The following CGGBP1 variants were observed in gnomAD, a reference collection of about 807,000 sequenced individuals.
CGGBP1 encodes CGG triplet repeat-binding protein 1.
A neutral mutation model predicts 11.4 loss-of-function variants in CGGBP1; 4 were observed. The observed-to-expected ratio is 0.35, with a 90% CI of 0.17 to 0.80. CGGBP1 has a LOEUF of 0.80. Ranked by LOEUF, CGGBP1 falls within the 30% of genes least tolerant of loss-of-function variation. The probability of loss-of-function intolerance (pLI) is 0.52; values close to 1 mark genes in which losing one functional copy is unlikely to be tolerated. For synonymous variants in CGGBP1, 76 were observed against 74.1 expected, an observed-to-expected ratio of 1.03 and a Z score of -0.13; for missense variants, 135 against 202.1, an observed-to-expected ratio of 0.67 and a Z score of 2.01.
intron 2 of CGGBP1, among the ~76,000 whole-genome samples, chr3:88,131,686 G>A (rs1218555130): frequency 6.6e-6 from 1 of 152,066 alleles, no homozygotes; most frequent in Non-Finnish European, 1.5e-5. Flanking sequence ...TAACCAAAAA[G>A]GAGTCTTTAG....
intron 2 of CGGBP1, among the ~76,000 whole-genome samples, chr3:88,112,008 A>C (rs1198395251): frequency 6.6e-6 from 1 of 151,948 alleles, no homozygotes; most frequent in Non-Finnish European, 1.5e-5. Context: ...TTTTTAACCT[A>C]ACTTCTAGAA....
At chr3:88,100,990 G>A (rs1453662792) in intron 2 of CGGBP1, among the ~76,000 whole-genome samples, 3 of 152,080 alleles carry the variant, frequency 2.0e-5, no homozygotes, top group Non-Finnish European at 2.9e-5. Flanking sequence ...CAATTTTCAA[G>A]TATACTTGAA....
intron 2 of CGGBP1, among the ~76,000 whole-genome samples, chr3:88,137,748 T>A (rs1327684610): frequency 2.0e-5 from 3 of 151,972 alleles, no homozygotes; most frequent in African/African-American, 7.3e-5. Flanking sequence ...AAAGTGAAAA[T>A]CGGATGTGCC....
At chr3:88,061,711 CAG>C (rs1392057761), upstream of CGGBP1, among the ~76,000 whole-genome samples, 1 of 152,106 alleles carries the variant, frequency 6.6e-6, no homozygotes, top group Non-Finnish European at 1.5e-5. Context: ...GTAAGGGAAG[CAG>C]GGGGATTATT....
intron 1 of CGGBP1, among the ~76,000 whole-genome samples, chr3:88,146,489 C>G (rs1707315039): frequency 6.6e-6 from 1 of 152,000 alleles, no homozygotes; most frequent in African/African-American, 2.4e-5. Flanking sequence ...ATGAAACTAC[C>G]AGAACAGAAT....
intron 2 of CGGBP1, among the ~76,000 whole-genome samples, chr3:88,065,856 C>A (rs915640385): frequency 3.3e-5 from 5 of 152,072 alleles, no homozygotes; most frequent in South Asian, 2.1e-4. Context: ...CAGCCCCCAC[C>A]CCCAGTAGCT....
At chr3:88,076,295 A>G (rs571705176) in intron 2 of CGGBP1, among the ~76,000 whole-genome samples, 15 of 152,274 alleles carry the variant, frequency 9.9e-5, no homozygotes, top group African/African-American at 2.6e-4. Context: ...TTTCCATCCC[A>G]TAGTTACCTT....
chr3:88,077,457 C>T (rs750088700), intron 2 of CGGBP1, among the ~76,000 whole-genome samples: 9 of 151,982 alleles, frequency 5.9e-5, no homozygotes, highest in Non-Finnish European at 1.3e-4. Flanking sequence ...CTCAGCCTCC[C>T]GAGGAGGTGG....
intron 1 of CGGBP1, among the ~76,000 whole-genome samples, chr3:88,148,936 C>T (rs1222170867): frequency 6.6e-6 from 1 of 152,146 alleles, no homozygotes; most frequent in African/African-American, 2.4e-5. Context: ...CCACCGCGCC[C>T]GGCCAAGCTA....
At chr3:88,143,529 T>A (rs1707223996) in intron 1 of CGGBP1, 1 of 152,310 alleles carries the variant, frequency 6.6e-6, no homozygotes, top group Non-Finnish European at 1.5e-5. Flanking sequence ...GACAGTGAAG[T>A]CTTTTGAAAT....
upstream of CGGBP1, chr3:88,059,333 A>G (rs765380778): frequency 5.9e-6 from 9 of 1,534,224 alleles, no homozygotes; most frequent in Non-Finnish European, 7.8e-6. Flanking sequence ...GCGGAGGAAG[A>G]GAGCGACCAA....
intron 3 of CGGBP1, chr3:88,056,625 T>C (rs1706548320): frequency 6.6e-6 from 1 of 152,160 alleles, no homozygotes; most frequent in South Asian, 2.1e-4. Context: ...TTGTAATGCA[T>C]GTATACCTCC....
intron 1 of CGGBP1, among the ~76,000 whole-genome samples, chr3:88,141,378 C>A (rs975265390): frequency 6.6e-6 from 1 of 151,914 alleles, no homozygotes; most frequent in Non-Finnish European, 1.5e-5. Flanking sequence ...TTCCAAGTTT[C>A]ATATAATAAA....
intron 2 of CGGBP1, among the ~76,000 whole-genome samples, chr3:88,126,686 C>T (rs1437213050): frequency 6.9e-6 from 1 of 145,614 alleles, no homozygotes; most frequent in Non-Finnish European, 1.5e-5. Context: ...GGCTGGAACT[C>T]TGAATTTTTG....
chr3:88,141,419 T>C (rs1707123130), intron 1 of CGGBP1, among the ~76,000 whole-genome samples: 1 of 152,090 alleles, frequency 6.6e-6, no homozygotes, highest in Admixed American at 6.5e-5. Flanking sequence ...TTATTTTTCA[T>C]ATGCATTCCA....
At chr3:88,140,867 C>A (rs1322478956) in intron 2 of CGGBP1, 1 of 1,613,614 alleles carries the variant, frequency 6.2e-7, no homozygotes, top group Admixed American at 1.7e-5. Flanking sequence ...TGCCAAAACG[C>A]AGAAAATTTC....
intron 2 of CGGBP1, among the ~76,000 whole-genome samples, chr3:88,116,540 A>G (rs1434615980): frequency 2.0e-5 from 2 of 101,040 alleles, no homozygotes; most frequent in Non-Finnish European, 4.2e-5. Flanking sequence ...AAAAAAAAAT[A>G]CATACATACA....
intron 1 of CGGBP1, chr3:88,144,525 T>C (rs1305773538): frequency 1.3e-5 from 2 of 152,442 alleles, no homozygotes; most frequent in Admixed American, 6.6e-5. Context: ...AATGTTAAAT[T>C]ATTTTACTTT....
intron 2 of CGGBP1, among the ~76,000 whole-genome samples, chr3:88,067,470 A>G (rs1707264724): frequency 6.6e-6 from 1 of 152,162 alleles, no homozygotes; most frequent in South Asian, 2.1e-4. Context: ...ATAGGGAGAG[A>G]AAGTAGACTA....
Sources: gnomAD v4.1 joint callset for allele counts (sites outside exome capture counted in the v4.1 genomes callset) on GRCh38, gnomAD v4.1.1 for gene constraint, MANE v1.5 for transcripts, NCBI Gene and HGNC (gene_info 2026-07-23, HGNC 2026-07-21) for gene names.